Variants in IL3RA observed in about 807,000 individuals in gnomAD.
IL3RA encodes the protein interleukin 3 receptor subunit alpha.
In IL3RA, 73 loss-of-function variants were observed where a neutral mutation model predicts 52.3. That is an observed-to-expected ratio of 1.40 (90% CI 1.16 to 1.70). The LOEUF (loss-of-function observed/expected upper bound fraction) is 1.70. Ranked by LOEUF, IL3RA falls within the 40% of genes most tolerant of loss-of-function variation. The pLI, the probability that IL3RA is intolerant of heterozygous loss-of-function variation, is 0.00. For synonymous variants in IL3RA, 260 were observed against 194.0 expected, an observed-to-expected ratio of 1.34 and a Z score of -2.83; for missense variants, 664 against 504.4, an observed-to-expected ratio of 1.32 and a Z score of -3.03.
chrX:1,378,539 C>T, intron 9 of IL3RA, 120 bp from the exon 10 acceptor site: 1 of 829,150 alleles, frequency 1.2e-6, no homozygotes, highest in South Asian at 1.6e-5. Context: ...GTGTCCCCCC[C>T]TGGACGCCAC....
intron 4 of IL3RA, 94 bp downstream of exon 4, chrX:1,348,639 T>G: frequency 1.4e-6 from 1 of 731,886 alleles, no homozygotes; most frequent in Non-Finnish European, 2.3e-6. Context: ...TTTTCTTTTC[T>G]TTTTCTCTTT....
At chrX:1,348,715 T>TC (rs1491481353) in intron 4 of IL3RA, among the ~76,000 whole-genome samples, 170 bp downstream of exon 4, 1 of 88,922 alleles carries the variant, frequency 1.1e-5, no homozygotes, top group African/African-American at 7.0e-5. Context: ...TGTTTCTGTT[T>TC]CTTTCTTCCT....
chrX:1,351,027 T>C (rs1273824776), intron 4 of IL3RA, among the ~76,000 whole-genome samples: 1 of 151,758 alleles, frequency 6.6e-6, no homozygotes, highest in Non-Finnish European at 1.5e-5. Flanking sequence ...GGCAACATGG[T>C]GAAACCCCAT....
At chrX:1,378,637 C>G (rs17886356) in intron 9 of IL3RA, 22 bp from the exon 10 acceptor site, 3 of 1,604,566 alleles carry the variant, frequency 1.9e-6, no homozygotes, top group Non-Finnish European at 2.6e-6. Context: ...CGGTCTGTGA[C>G]CCTCTCACCC....
chrX:1,348,035 T>TG (rs1354512179), intron 3 of IL3RA, among the ~76,000 whole-genome samples: 1 of 47,680 alleles, frequency 2.1e-5, no homozygotes, highest in Non-Finnish European at 4.2e-5. Flanking sequence ...AGACTCCCTC[T>TG]CAAAAAAAAA....
chrX:1,356,500 T>A (rs1399050369), intron 7 of IL3RA, among the ~76,000 whole-genome samples, 164 bp downstream of exon 7: 3 of 152,114 alleles, frequency 2.0e-5, no homozygotes, highest in Admixed American at 1.3e-4. Flanking sequence ...CCGGGCGCTG[T>A]GGCTCACGCC....
chrX:1,342,907 T>G (rs2085547536), intron 2 of IL3RA, among the ~76,000 whole-genome samples: 1 of 151,408 alleles, frequency 6.6e-6, no homozygotes, highest in South Asian at 2.1e-4. Context: ...AAACCCCGTC[T>G]CTACTAAAAA....
intron 6 of IL3RA, 30 bp downstream of exon 6, chrX:1,352,536 C>G: frequency 6.2e-7 from 1 of 1,604,348 alleles, no homozygotes. Flanking sequence ...CCCTCCCACC[C>G]TCAGTTCTGT....
chrX:1,366,548 A>C (rs1239510980), intron 9 of IL3RA, among the ~76,000 whole-genome samples: 6 of 52,640 alleles, frequency 1.1e-4, no homozygotes, highest in East Asian at 5.7e-4. Context: ...GCGCGGGGTG[A>C]GCCGGGTGCG....
chrX:1,368,423 A>C (rs1162728037), intron 9 of IL3RA, among the ~76,000 whole-genome samples: 2 of 151,994 alleles, frequency 1.3e-5, no homozygotes, highest in African/African-American at 4.8e-5. Context: ...TGTCTCTACT[A>C]AAAATAGAAA....
At position 1,341,790 on chromosome X, in the gene IL3RA, C is replaced by T; in HGVS notation, c.25C>T (p.Leu9Phe). The change falls in exon 2 of 12, where the codon CTC becomes TTC. Residue 9 changes from leucine to phenylalanine, a missense_variant. By Grantham distance (22) the Leu-to-Phe change is conservative. Coordinates refer to ENST00000331035, the MANE Select transcript of IL3RA (RefSeq NM_002183.4). ...GATGGTCCTCCTTTGGCTCACGCTGCTCCTGATCGCCCTGCCCTGTCTCCT... is the reference window on the plus strand; with the variant it reads ...GATGGTCCTCCTTTGGCTCACGCTGTTCCTGATCGCCCTGCCCTGTCTCCT... MVLLWLTL[L>F]LIALPCLLQT... The T allele has an allele frequency of 6.2e-7, 1 of 1,613,950 alleles. No homozygotes were observed. Among genetic ancestry groups the T allele is most frequent in the Non-Finnish European group, 8.5e-7 (1 of 1,179,868 alleles).
intron 8 of IL3RA, among the ~76,000 whole-genome samples, chrX:1,364,101 T>C (rs1372283139): frequency 6.6e-6 from 1 of 150,620 alleles, no homozygotes; most frequent in African/African-American, 2.4e-5. Context: ...GGCAGGAGAA[T>C]GGCATGAACC....
chrX:1,360,261 CATCTTT>C (rs1569524553), intron 8 of IL3RA, among the ~76,000 whole-genome samples: 21 of 38,522 alleles, frequency 5.5e-4, no homozygotes, highest in African/African-American at 1.3e-3. Flanking sequence ...TTTCTCCCTC[CATCTTT>C]CTCTCTCTCT....
At chrX:1,348,246 G>T (rs779163835) in intron 3 of IL3RA, among the ~76,000 whole-genome samples, 185 bp from the exon 4 acceptor site, 1 of 150,888 alleles carries the variant, frequency 6.6e-6, no homozygotes, top group South Asian at 2.1e-4. Context: ...CCAGGTGCTC[G>T]GGAGGTTGAA....
intron 8 of IL3RA, among the ~76,000 whole-genome samples, chrX:1,362,367 T>G (rs1282883929): frequency 6.6e-6 from 1 of 150,464 alleles, no homozygotes; most frequent in Non-Finnish European, 1.5e-5. Flanking sequence ...GTCCATCACC[T>G]ACTCTGTCTC....
chrX:1,347,092 C>G (rs1248835332), intron 3 of IL3RA, among the ~76,000 whole-genome samples: 1 of 151,276 alleles, frequency 6.6e-6, no homozygotes, highest in Non-Finnish European at 1.5e-5. Flanking sequence ...GAAGGAGAAC[C>G]TGCCTTACCT....
At chrX:1,382,327 T>G (rs1185909508) in intron 11 of IL3RA, 64 bp from the exon 12 acceptor site, 2 of 1,070,712 alleles carry the variant, frequency 1.9e-6, no homozygotes, top group African/African-American at 6.6e-5. Context: ...CCCCCGCAGA[T>G]CAGGACGTGG....
chrX:1,382,358 G>T (rs1386293451), intron 11 of IL3RA, 33 bp from the exon 12 acceptor site: 1 of 1,569,164 alleles, frequency 6.4e-7, no homozygotes. Flanking sequence ...CTGGGGGGTG[G>T]CCGACTCACC....
At chrX:1,367,806 A>AGCGGGGTGC (rs1203340592) in intron 9 of IL3RA, among the ~76,000 whole-genome samples, 1 of 138,986 alleles carries the variant, frequency 7.2e-6, no homozygotes, top group Non-Finnish European at 1.6e-5. Flanking sequence ...GCGCCGGGTG[A>AGCGGGGTGC]GCGGGGTGCG....
Sources: gnomAD v4.1 joint callset for allele counts (sites outside exome capture counted in the v4.1 genomes callset) on GRCh38, gnomAD v4.1.1 for gene constraint, MANE v1.5 for transcripts, NCBI Gene and HGNC (gene_info 2026-07-23, HGNC 2026-07-21) for gene names.